Variants in TWF1 observed in about 807,000 individuals in gnomAD.
TWF1 encodes twinfilin actin binding protein 1.
In TWF1, 14 loss-of-function variants were observed where a neutral mutation model predicts 47.9. The observed-to-expected ratio is 0.29, with a 90% confidence interval of 0.19 to 0.46. TWF1 has a LOEUF of 0.46. Among genes scored for constraint, TWF1 ranks in the 20% least tolerant of loss-of-function variants. The probability of loss-of-function intolerance (pLI) is 1.00; values close to 1 mark genes in which losing one functional copy is unlikely to be tolerated. For synonymous variants in TWF1, 96 were observed against 139.2 expected, an observed-to-expected ratio of 0.69 and a Z score of 2.18; for missense variants, 281 against 409.3, an observed-to-expected ratio of 0.69 and a Z score of 2.70.
intron 3 of TWF1, among the ~76,000 whole-genome samples, chr12:43,801,904 C>T (rs185410442): frequency 6.6e-6 from 1 of 152,140 alleles, no homozygotes; most frequent in Non-Finnish European, 1.5e-5. Context: ...GTGGCACATG[C>T]CTGTAATCCC....
Position 43,802,420 on chromosome 12 carries a change from C to T in TWF1, c.148G>A (p.Asp50Asn), listed in dbSNP as rs1320986007. Reference sequence around the variant, plus strand: ...AAAACAAAGGAATCATAATCCTTATCCCAGGAATCTGAAGGCTGACTATAT... The same window carrying T: ...AAAACAAAGGAATCATAATCCTTATTCCAGGAATCTGAAGGCTGACTATAT... ...GSYSQPSDSW[D>N]KDYDSFVLPL... Residue 50 changes from aspartate (D) to asparagine (N), a missense_variant, in exon 3 of 9, where the codon GAT becomes AAT. Physicochemically the swap from Asp to Asn is conservative, Grantham distance 23. Transcript: ENST00000395510. 2.5e-6 allele frequency: 4 copies of T among 1,603,100 alleles called. No homozygotes were observed. Among genetic ancestry groups the T allele is most frequent in the Non-Finnish European group, 2.5e-6 (3 of 1,176,880 alleles).
chr12:43,805,047 A>G (rs1942732132), intron 1 of TWF1, among the ~76,000 whole-genome samples: 1 of 152,270 alleles, frequency 6.6e-6, no homozygotes, highest in Non-Finnish European at 1.5e-5. Context: ...AAAAGACAAT[A>G]AAATGCATTC....
chr12:43,805,800 T>C, intron 1 of TWF1: 1 of 1,361,982 alleles, frequency 7.3e-7, no homozygotes, highest in African/African-American at 1.5e-5. Flanking sequence ...CCTGTAATAT[T>C]CTCCTTTGGA....
intron 1 of TWF1, 26 bp downstream of exon 1, chr12:43,806,195 C>T (rs1002649858): frequency 4.6e-6 from 7 of 1,529,590 alleles, no homozygotes; most frequent in Non-Finnish European, 6.1e-6. Flanking sequence ...AGCCCCTTCC[C>T]TGCGAGTCGC....
In TWF1 at chr12:43,800,674, G is replaced by A. The variant is rs1324150973; in HGVS notation, c.283-144C>T. 1.3e-5 allele frequency: 8 copies of A among 598,818 alleles called. No homozygotes were observed. The East Asian group carries it at 1.7e-4, about 13-fold the overall frequency. The allele number at this position is 598,818 out of a possible 1,614,324, so 37.1% of individuals were successfully genotyped here. A position where few individuals can be genotyped will look rare whatever the true frequency, so the allele number is the denominator to read the frequency against. On this transcript the variant is annotated intron_variant, in intron 3 of 8. Transcript: ENST00000395510. ...CACCCACTATAATATGCTAAAATAC[G>A]TGTGTACAAATAACCGTCATTAACA...
rs1255748165 is a variant in TWF1, at chr12:43,802,482, T to C, written c.104-18A>G. The C allele has an allele frequency of 1.3e-6, 2 of 1,581,002 alleles. No homozygotes were observed. Among genetic ancestry groups the C allele is most frequent in the Non-Finnish European group, 8.6e-7 (1 of 1,157,688 alleles). ...AAGTTGCTCTATGAAAAATTATTTT[T>C]AGAAAGATAGGTAAATGGTTTGAGA... On this transcript the variant is annotated intron_variant, in intron 2 of 8. Transcript: ENST00000395510.
At chr12:43,798,495 T>C in intron 5 of TWF1, 1 of 1,416,424 alleles carries the variant, frequency 7.1e-7, no homozygotes, top group Non-Finnish European at 9.3e-7. Flanking sequence ...TTTAAAAAAA[T>C]GAATGGAGAT....
chr12:43,805,880 T>C (rs1338384695), intron 1 of TWF1: 1 of 1,448,480 alleles, frequency 6.9e-7, no homozygotes, highest in Non-Finnish European at 9.2e-7. Flanking sequence ...CTGTCCCAGC[T>C]CTTCCCTACG....
chr12:43,795,753 G>T lies in TWF1; in HGVS notation c.885C>A (p.Ile295=). 2.5e-6 allele frequency: 4 copies of T among 1,612,666 alleles called. No homozygotes were observed. The highest frequency in any genetic ancestry group is 1.7e-5 in the Admixed American group (1 of 59,754). ...TCAACTCATCCCCATTGTCTATCTC[G>T]ATCTGTAAAAGATAAAATTAGAAGC... is the stretch of plus-strand genomic sequence containing the variant. ...RQLQMDVIRK[I]EIDNGDELTA... The change falls in exon 9 of 9, where the codon ATC becomes ATA. Residue 295 remains isoleucine, a splice_region_variant and synonymous_variant. Transcript: ENST00000395510.
chr12:43,802,522 GTGA>G (rs1453351860), intron 2 of TWF1, 58 bp from the exon 3 acceptor site: 8 of 1,251,620 alleles, frequency 6.4e-6, no homozygotes, highest in Admixed American at 2.3e-5. Context: ...AAGTGGTAGT[GTGA>G]TGAAGACTAG....
chr12:43,801,707 T>A (rs930390642), intron 3 of TWF1, among the ~76,000 whole-genome samples: 7 of 152,142 alleles, frequency 4.6e-5, no homozygotes, highest in African/African-American at 1.7e-4. Context: ...TCCTTCATTT[T>A]TCAGAGGCCC....
chr12:43,806,033 G>A, intron 1 of TWF1, 188 bp downstream of exon 1: 2 of 1,520,964 alleles, frequency 1.3e-6, no homozygotes, highest in South Asian at 1.2e-5. Flanking sequence ...GGACCGGGCT[G>A]GAGGAGGACG....
chr12:43,804,604 T>G, intron 1 of TWF1, 32 bp from the exon 2 acceptor site: 1 of 1,421,532 alleles, frequency 7.0e-7, no homozygotes, highest in South Asian at 1.3e-5. Flanking sequence ...GTAAACTTTT[T>G]ATACTTACAT....
rs1321273905 is a variant in TWF1, at chr12:43,794,748, T to G, written c.*837A>C. 6.6e-6 allele frequency: 1 copy of G among 152,444 alleles called. No homozygotes were observed. The highest frequency in any genetic ancestry group is 1.5e-5 in the Non-Finnish European group (1 of 68,046). The allele number at this position is 152,444 out of a possible 1,614,324, so 9.4% of individuals were successfully genotyped here. ...TAAAGTAATTTTAAATCTGAGTATT[T>G]GCTCGGAAGTGATAAAGAACACAAT... is the stretch of plus-strand genomic sequence containing the variant. On this transcript the variant is annotated 3_prime_UTR_variant, in exon 9 of 9. Transcript: ENST00000395510.
intron 1 of TWF1, 80 bp from the exon 2 acceptor site, chr12:43,804,652 G>A: frequency 1.1e-6 from 1 of 946,616 alleles, no homozygotes; most frequent in Non-Finnish European, 1.6e-6. Flanking sequence ...AAGTTAATTA[G>A]AATACAAAGA....
rs768852391 is a variant in TWF1 at position 43,800,522 on chromosome 12, T to C, written c.291A>G (p.Gln97=). The C allele has an allele frequency of 1.1e-5, 17 of 1,613,308 alleles. No homozygotes were observed. The highest frequency in any genetic ancestry group is 1.7e-4 in the Middle Eastern group (1 of 6,058). Residue 97 remains glutamine, a synonymous_variant, in exon 4 of 9, where the codon CAA becomes CAG. Transcript: ENST00000395510. Reference sequence around the variant, plus strand: ...CTCTTGTTGCTGCATACAACATTTTTTGACGAACCTATTCAGTTGTGAAAG... The same window carrying C: ...CTCTTGTTGCTGCATACAACATTTTCTGACGAACCTATTCAGTTGTGAAAG... ...AWSPDHSHVR[Q]KMLYAATRAT...
chr12:43,798,264 A>C (rs1942591737), intron 5 of TWF1, among the ~76,000 whole-genome samples: 1 of 152,148 alleles, frequency 6.6e-6, no homozygotes, highest in South Asian at 2.1e-4. Flanking sequence ...AAGGAGTACA[A>C]ACAGTGTACA....
rs1389386714 is a variant in TWF1, at chr12:43,802,277, G to T, written c.282+9C>A. Reference sequence around the variant, plus strand: ...TTAATGTTAAACAAACTATAAAAAAGTTACTTACATGAGAATGATCTGGAG... The same window carrying T: ...TTAATGTTAAACAAACTATAAAAAATTTACTTACATGAGAATGATCTGGAG... On this transcript the variant is annotated intron_variant, in intron 3 of 8. Transcript: ENST00000395510. 3.3e-6 allele frequency: 5 copies of T among 1,496,306 alleles called. No individual in the cohort carries two copies. Among genetic ancestry groups the T allele is most frequent in the South Asian group, 1.4e-5 (1 of 71,994 alleles). The allele number at this position is 1,496,306 out of a possible 1,614,324, so 92.7% of individuals were successfully genotyped here. A position where few individuals can be genotyped will look rare whatever the true frequency, so the allele number is the denominator to read the frequency against.
intron 2 of TWF1, chr12:43,804,245 G>C: frequency 2.0e-6 from 1 of 497,312 alleles, no homozygotes; most frequent in Non-Finnish European, 3.9e-6. Flanking sequence ...CAGAAACTGA[G>C]ACACAAAAAG....
Sources: gnomAD v4.1 joint callset for allele counts (sites outside exome capture counted in the v4.1 genomes callset) on GRCh38, gnomAD v4.1.1 for gene constraint, MANE v1.5 for transcripts, NCBI Gene and HGNC (gene_info 2026-07-23, HGNC 2026-07-21) for gene names.